SNX29: variants seen among roughly 807,000 people sequenced by gnomAD.
SNX29 encodes the protein sorting nexin-29.
A neutral mutation model predicts 102.1 loss-of-function variants in SNX29; 78 were observed. That is an observed-to-expected ratio of 0.76 (90% CI 0.64 to 0.92). The LOEUF (loss-of-function observed/expected upper bound fraction) is 0.92, where lower values mean the gene tolerates loss of function less well. Among genes scored for constraint, SNX29 ranks in the 40% least tolerant of loss-of-function variants. The pLI is 0.00. For synonymous variants in SNX29, 580 were observed against 414.5 expected, an observed-to-expected ratio of 1.40 and a Z score of -4.85; for missense variants, 1,280 against 1,061.7, an observed-to-expected ratio of 1.21 and a Z score of -2.86.
At chr16:12,315,703 A>G (rs1006613011) in intron 15 of SNX29, among the ~76,000 whole-genome samples, 4 of 152,310 alleles carry the variant, frequency 2.6e-5, no homozygotes, top group African/African-American at 9.6e-5. Context: ...AACTGTGGGA[A>G]GTAGATTTCT....
chr16:12,468,923 C>T (rs79067762), intron 18 of SNX29, among the ~76,000 whole-genome samples: 5,163 of 152,266 alleles, frequency 0.034, 251 homozygotes, highest in East Asian at 0.24. Flanking sequence ...TCCGGCCATG[C>T]CAGTTTCAGA....
intron 14 of SNX29, among the ~76,000 whole-genome samples, chr16:12,218,926 C>A (rs1404613126): frequency 6.6e-6 from 1 of 152,152 alleles, no homozygotes; most frequent in East Asian, 1.9e-4. Context: ...AGGCACCTGC[C>A]ACCAGTCCTG....
At chr16:12,127,688 C>G (rs2054277677) in intron 12 of SNX29, among the ~76,000 whole-genome samples, 2 of 152,136 alleles carry the variant, frequency 1.3e-5, no homozygotes, top group African/African-American at 4.8e-5. Context: ...TCCCAAAGTG[C>G]TAAGATTATA....
chr16:12,141,751 G>A (rs2054877582), intron 13 of SNX29, among the ~76,000 whole-genome samples: 1 of 152,190 alleles, frequency 6.6e-6, no homozygotes, highest in African/African-American at 2.4e-5. Context: ...TGAGCAGTGA[G>A]GACGACCAGA....
chr16:12,528,508 C>G (rs1487803645), intron 20 of SNX29, among the ~76,000 whole-genome samples: 1 of 152,172 alleles, frequency 6.6e-6, no homozygotes, highest in African/African-American at 2.4e-5. Context: ...CCTAGCTTCT[C>G]TTGAAAAATC....
intron 14 of SNX29, among the ~76,000 whole-genome samples, chr16:12,242,849 A>G (rs1173244563): frequency 6.6e-6 from 1 of 151,826 alleles, no homozygotes; most frequent in Non-Finnish European, 1.5e-5. Context: ...TTTGGTAGTG[A>G]CAGGGTTTTG....
chr16:12,141,097 TAAG>T (rs760188328), intron 13 of SNX29, among the ~76,000 whole-genome samples: 7 of 152,230 alleles, frequency 4.6e-5, no homozygotes, highest in African/African-American at 1.2e-4. Context: ...TTTAAGAAGT[TAAG>T]AAGATCAGAA....
chr16:12,071,596 G>A (rs546536849), intron 10 of SNX29, among the ~76,000 whole-genome samples: 5 of 152,176 alleles, frequency 3.3e-5, no homozygotes, highest in Non-Finnish European at 7.3e-5. Context: ...TTTGAAGTCC[G>A]GTAGCGTGAT....
intron 20 of SNX29, among the ~76,000 whole-genome samples, chr16:12,535,484 T>C (rs549485265): frequency 3.3e-5 from 5 of 152,262 alleles, no homozygotes; most frequent in South Asian, 2.1e-4. Flanking sequence ...TACTGTCCCT[T>C]TTTTCCAGAT....
chr16:12,071,472 A>G (rs2051299603), intron 10 of SNX29, among the ~76,000 whole-genome samples: 2 of 152,178 alleles, frequency 1.3e-5, no homozygotes, highest in South Asian at 4.1e-4. Flanking sequence ...CAAAGATCAG[A>G]TAGTTGTAGG....
intron 13 of SNX29, among the ~76,000 whole-genome samples, chr16:12,171,072 G>A (rs915151908): frequency 3.3e-5 from 5 of 152,036 alleles, no homozygotes; most frequent in Admixed American, 3.3e-4. Context: ...TAGGCCCGGT[G>A]CTTGTTTGCG....
chr16:12,548,154 A>G (rs1204323038), intron 20 of SNX29, among the ~76,000 whole-genome samples: 1 of 152,128 alleles, frequency 6.6e-6, no homozygotes, highest in Non-Finnish European at 1.5e-5. Context: ...TTCATTCTTC[A>G]TCTTGGCCAC....
At chr16:12,526,256 T>C (rs1185525724) in intron 20 of SNX29, among the ~76,000 whole-genome samples, 16 of 152,084 alleles carry the variant, frequency 1.1e-4, no homozygotes, top group Non-Finnish European at 1.6e-4. Flanking sequence ...GCATTTCTGC[T>C]CCCCTCTGTG....
chr16:12,553,484 C>G (rs977394275), intron 20 of SNX29, among the ~76,000 whole-genome samples: 3 of 152,162 alleles, frequency 2.0e-5, no homozygotes, highest in Non-Finnish European at 4.4e-5. Context: ...GCTGCTTAGA[C>G]CAGGCAGGGC....
At chr16:12,559,479 C>A (rs1002862688) in intron 20 of SNX29, among the ~76,000 whole-genome samples, 9 of 151,652 alleles carry the variant, frequency 5.9e-5, no homozygotes, top group African/African-American at 2.2e-4. Flanking sequence ...TAATTTTTTC[C>A]ATGTAGTAAT....
intron 14 of SNX29, among the ~76,000 whole-genome samples, chr16:12,234,142 G>A (rs2077852956): frequency 6.6e-6 from 1 of 152,118 alleles, no homozygotes; most frequent in African/African-American, 2.4e-5. Flanking sequence ...CAAAGCGGCT[G>A]TACCTTCCCA....
At chr16:12,549,563 C>T (rs1369775052) in intron 20 of SNX29, among the ~76,000 whole-genome samples, 1 of 151,634 alleles carries the variant, frequency 6.6e-6, no homozygotes, top group Non-Finnish European at 1.5e-5. Flanking sequence ...TGGGCTTCCA[C>T]CCTGGGACCC....
At chr16:12,202,091 A>G (rs2076927538) in intron 14 of SNX29, among the ~76,000 whole-genome samples, 1 of 152,196 alleles carries the variant, frequency 6.6e-6, no homozygotes, top group Non-Finnish European at 1.5e-5. Flanking sequence ...TTACGTACGT[A>G]CGGCGACTCC....
intron 19 of SNX29, among the ~76,000 whole-genome samples, chr16:12,483,113 A>AGTTTTTTTTTTTT (rs2088028972): frequency 1.7e-5 from 1 of 60,464 alleles, no homozygotes; most frequent in African/African-American, 7.2e-5. Context: ...GAAGTTATTA[A>AGTTTTTTTTTTTT]GTTTTTTTTT....
Sources: allele counts gnomAD v4.1 joint callset (sites outside exome capture counted in the v4.1 genomes callset), GRCh38; gene constraint gnomAD v4.1.1; transcripts MANE v1.5; gene names NCBI Gene and HGNC (gene_info 2026-07-23, HGNC 2026-07-21).